Variants in GDF5 observed in about 807,000 individuals in gnomAD.
GDF5 encodes the protein growth differentiation factor 5.
In GDF5, 17 loss-of-function variants were observed where a neutral mutation model predicts 34.6. The observed-to-expected ratio is 0.49, with a 90% CI of 0.34 to 0.74. GDF5 has a LOEUF of 0.74. GDF5 is among the 30% of genes least tolerant of loss of function. The pLI, the probability that GDF5 is intolerant of heterozygous loss-of-function variation, is 0.01. For synonymous variants in GDF5, 332 were observed against 290.7 expected, an observed-to-expected ratio of 1.14 and a Z score of -1.44; for missense variants, 616 against 661.2, an observed-to-expected ratio of 0.93 and a Z score of 0.75.
chr20:35,433,975 G>C lies in GDF5; in HGVS notation c.1440C>G (p.Asp480Glu). ...GCTTATACACCACGTTGTTGGCAGA[G>C]TCAATGAAGAGGATGCTGATGGGAC... ...RLSPISILFI[D>E]SANNVVYKQY... Residue 480 changes from aspartate (D) to glutamate (E), a missense_variant, in exon 2 of 2, where the codon GAC becomes GAG. Physicochemically the swap from Asp to Glu is conservative, Grantham distance 45. Coordinates refer to ENST00000374369, the MANE Select transcript of GDF5 (RefSeq NM_000557.5). The C allele has an allele frequency of 6.2e-7, 1 of 1,614,048 alleles. No individual in the cohort carries two copies. Among genetic ancestry groups the C allele is most frequent in the South Asian group, 1.1e-5 (1 of 91,082 alleles).
intron 1 of GDF5, among the ~76,000 whole-genome samples, chr20:35,446,415 A>G (rs1191588186): frequency 1.3e-5 from 2 of 151,928 alleles, no homozygotes; most frequent in South Asian, 2.1e-4. Context: ...TATGTGCTTC[A>G]TAAATTATAA....
chr20:35,433,836 CCCTCTGTGATT>C lies in GDF5; in HGVS notation c.*62_*72del, dbSNP rs1417867670. The C allele has an allele frequency of 8.0e-7, 1 of 1,252,994 alleles. No homozygotes were observed. The highest frequency in any genetic ancestry group is 1.2e-6 in the Non-Finnish European group (1 of 854,140). 77.6% of individuals were successfully genotyped at this position (1,252,994 alleles called of 1,614,324 possible). A position where few individuals can be genotyped will look rare whatever the true frequency, so the allele number is the denominator to read the frequency against. ...GATGCTCCTGCCACAGCTTCCTGAC[CCCTCTGTGATT>C]CCAGGAGTGCAGGAAGGGGCTCTTG... On this transcript the variant is annotated 3_prime_UTR_variant, in exon 2 of 2. Transcript: ENST00000374369.
At chr20:35,450,002 AAG>A (rs1204075511) in intron 1 of GDF5, among the ~76,000 whole-genome samples, 3 of 150,598 alleles carry the variant, frequency 2.0e-5, no homozygotes, top group East Asian at 1.9e-4. Context: ...AAAAAAAAAA[AAG>A]AGAGAGAGAG....
Position 35,454,031 on chromosome 20 carries a change from T to C in GDF5, c.-398+609A>G, listed in dbSNP as rs749192410. ...GACTCCACCCCCGGTTTAGGGATTCTCTGGGGGTGGAAACCAAGAGTCTGC... is the reference window on the plus strand; with the variant it reads ...GACTCCACCCCCGGTTTAGGGATTCCCTGGGGGTGGAAACCAAGAGTCTGC... On this transcript the variant is annotated intron_variant, in intron 1 of 3. Coordinates refer to the GDF5 transcript ENST00000374372. 1.3e-5 allele frequency: 7 copies of C among 534,290 alleles called. No homozygotes were observed. The Admixed American group carries it at 1.4e-4, about 10-fold the overall frequency. 33.1% of individuals were successfully genotyped at this position (534,290 alleles called of 1,614,324 possible). A position where few individuals can be genotyped will look rare whatever the true frequency, so the allele number is the denominator to read the frequency against.
chr20:35,444,982 C>T (rs946669758), intron 1 of GDF5, among the ~76,000 whole-genome samples: 1 of 152,170 alleles, frequency 6.6e-6, no homozygotes, highest in African/African-American at 2.4e-5. Flanking sequence ...GATCCACCCG[C>T]CTCAGCCTCC....
chr20:35,435,101 C>T (rs1237003555), intron 1 of GDF5: 2 of 603,210 alleles, frequency 3.3e-6, no homozygotes, highest in Admixed American at 5.9e-5. Flanking sequence ...TATCTCTCTC[C>T]CAGCCATGAG....
chr20:35,441,602 G>A (rs1171045490), upstream of GDF5, among the ~76,000 whole-genome samples: 5 of 148,014 alleles, frequency 3.4e-5, no homozygotes, highest in Non-Finnish European at 6.0e-5. Context: ...CTACAGGTGC[G>A]TGCCACCACG....
Position 35,433,708 on chromosome 20 carries a change from A to G in GDF5, c.*201T>C. The stretch of plus-strand genomic sequence containing the variant: ...TGGTCACATCAGCAGACGGGCAGCA[A>G]TCCTCAGCCAGGGGAACTTGTGGAT... On this transcript the variant is annotated 3_prime_UTR_variant, in exon 2 of 2. Transcript: ENST00000374369. 1.5e-6 allele frequency: 1 copy of G among 647,108 alleles called. No homozygotes were observed. The allele number at this position is 647,108 out of a possible 1,614,324, so 40.1% of individuals were successfully genotyped here.
In GDF5 at chr20:35,433,414, A is replaced by G. The variant is rs1201062350; in HGVS notation, c.*495T>C. The G allele has an allele frequency of 1.3e-5, 4 of 308,778 alleles. No individual in the cohort carries two copies. Among genetic ancestry groups the G allele is most frequent in the Non-Finnish European group, 2.6e-5 (4 of 156,526 alleles). 19.1% of individuals were successfully genotyped at this position (308,778 alleles called of 1,614,324 possible). ...AAATCTAACAGTCTAACAGCCTCACACTCCTCAACTCTATCCAAGCCCTCT... is the reference window on the plus strand; with the variant it reads ...AAATCTAACAGTCTAACAGCCTCACGCTCCTCAACTCTATCCAAGCCCTCT... On this transcript the variant is annotated 3_prime_UTR_variant, in exon 2 of 2. Transcript: ENST00000374369.
At chr20:35,435,158 T>G in intron 1 of GDF5, 1 of 532,454 alleles carries the variant, frequency 1.9e-6, no homozygotes, top group South Asian at 2.7e-5. Flanking sequence ...AGCATTAAAA[T>G]TACTCCTGTT....
intron 1 of GDF5, among the ~76,000 whole-genome samples, chr20:35,449,880 T>G (rs2062525091): frequency 6.6e-6 from 1 of 151,658 alleles, no homozygotes; most frequent in Non-Finnish European, 1.5e-5. Flanking sequence ...TCTTAGCTAC[T>G]CGGGAGGCTG....
At chr20:35,450,142 A>C (rs562090338) in intron 1 of GDF5, among the ~76,000 whole-genome samples, 1 of 134,000 alleles carries the variant, frequency 7.5e-6, no homozygotes, top group Non-Finnish European at 1.7e-5. Flanking sequence ...ATCTCTACTG[A>C]AAAAAAAAAA....
chr20:35,450,135 T>G (rs2062526081), intron 1 of GDF5, among the ~76,000 whole-genome samples: 2 of 148,472 alleles, frequency 1.3e-5, no homozygotes, highest in South Asian at 4.3e-4. Flanking sequence ...AAACCCCATC[T>G]CTACTGAAAA....
intron 1 of GDF5, chr20:35,454,009 T>C: frequency 1.9e-6 from 1 of 534,608 alleles, no homozygotes; most frequent in Non-Finnish European, 3.8e-6. Context: ...ATTCCTGGAC[T>C]CCACCCCCGG....
chr20:35,451,080 T>TATATATAA (rs1568738471), intron 1 of GDF5, among the ~76,000 whole-genome samples: 1 of 30,304 alleles, frequency 3.3e-5, no homozygotes. Flanking sequence ...TATATATATA[T>TATATATAA]ATATATATAT....
At chr20:35,452,762 T>C (rs1312154505) in intron 1 of GDF5, among the ~76,000 whole-genome samples, 2 of 149,160 alleles carry the variant, frequency 1.3e-5, no homozygotes, top group African/African-American at 2.4e-5. Flanking sequence ...AGTTTGCTAA[T>C]GGATGTTATG....
At position 35,444,241 on chromosome 20, in the gene GDF5, G is replaced by A. The variant is rs1276363268; in HGVS notation, c.-397-2854C>T. ...TCACATTCTGGTGGAAGAGACAGAG[G>A]AACAAACACATAAGAGAATGCTAAG... On this transcript the variant is annotated intron_variant, in intron 1 of 3. Coordinates refer to the GDF5 transcript ENST00000374372. 2.6e-5 allele frequency among the ~76,000 whole-genome samples: 4 copies of A among 152,254 alleles called. No individual in the cohort carries two copies. The East Asian group carries it at 7.7e-4, about 29-fold the overall frequency.
At chr20:35,452,412 C>A (rs967715020) in intron 1 of GDF5, among the ~76,000 whole-genome samples, 1 of 152,086 alleles carries the variant, frequency 6.6e-6, no homozygotes, top group Non-Finnish European at 1.5e-5. Context: ...AGTCTGAAAC[C>A]TGTTTACTCC....
chr20:35,434,810 C>G (rs762745020), intron 1 of GDF5, 27 bp from the exon 2 acceptor site: 1 of 1,612,434 alleles, frequency 6.2e-7, no homozygotes, highest in South Asian at 1.1e-5. Context: ...GAAGTCATTC[C>G]CTGCAACCTC....
Sources: allele counts gnomAD v4.1 joint callset (sites outside exome capture counted in the v4.1 genomes callset), GRCh38; gene constraint gnomAD v4.1.1; transcripts MANE v1.5; gene names NCBI Gene and HGNC (gene_info 2026-07-23, HGNC 2026-07-21).